The following SYNPO variants were observed in gnomAD, a reference collection of about 807,000 sequenced individuals.
SYNPO encodes synaptopodin.
A neutral mutation model predicts 49.5 loss-of-function variants in SYNPO; 19 were observed. The ratio of observed to expected loss-of-function variants is 0.38; its 90% CI spans 0.27 to 0.56. SYNPO has a LOEUF of 0.56. SYNPO is among the 20% of genes least tolerant of loss of function. SYNPO has a pLI of 0.68. For synonymous variants in SYNPO, 536 were observed against 548.0 expected, an observed-to-expected ratio of 0.98 and a Z score of 0.31; for missense variants, 1,131 against 1,248.3, an observed-to-expected ratio of 0.91 and a Z score of 1.42.
chr5:150,640,283 G>A (rs1757853302), upstream of SYNPO: 1 of 611,890 alleles, frequency 1.6e-6, no homozygotes, highest in African/African-American at 2.0e-5. Flanking sequence ...ATTAGGGCAT[G>A]TAGAAAGGAT....
chr5:150,656,305 C>T (rs1758547616), intron 2 of SYNPO, 99 bp from the exon 3 acceptor site: 1 of 1,012,452 alleles, frequency 9.9e-7, no homozygotes, highest in Non-Finnish European at 1.4e-6. Flanking sequence ...GGCTTCCCTT[C>T]TCGGTGTAAT....
rs1171177215 is a variant in SYNPO, at chr5:150,649,616, G to C, written c.1341G>C (p.Glu447Asp). The change falls in exon 2 of 3, where the codon GAG (glutamate) becomes GAC (aspartate). Residue 447 changes from glutamate (E) to aspartate (D), a missense_variant. Around this residue, in one of 4 missense-constraint regions of SYNPO, gnomAD observed 602 missense variants for 720.7 expected, o/e 0.84. Coordinates refer to ENST00000307662, the MANE Select transcript of SYNPO (RefSeq NM_007286.6). ...RDRASPAAAE[E>D]VVPEWASCLK... is the part of the protein sequence containing the mutation. ...GGGCCAGCCCCGCGGCGGCGGAGGA[G>C]GTGGTACCAGAGTGGGCCTCCTGCC... 1.2e-6 allele frequency: 2 copies of C among 1,609,154 alleles called. No individual in the cohort carries two copies. Among genetic ancestry groups the C allele is most frequent in the African/African-American group, 1.3e-5 (1 of 75,022 alleles).
At chr5:150,627,345 G>C (rs1271705779) in intron 2 of SYNPO, among the ~76,000 whole-genome samples, 1 of 152,200 alleles carries the variant, frequency 6.6e-6, no homozygotes, top group Non-Finnish European at 1.5e-5. Context: ...GATGGGCCAA[G>C]TGCCCTGGGC....
At chr5:150,625,255 C>CCAGA (rs970283772) in intron 2 of SYNPO, among the ~76,000 whole-genome samples, 2 of 152,218 alleles carry the variant, frequency 1.3e-5, no homozygotes, top group African/African-American at 2.4e-5. Context: ...GGGCAACAGC[C>CCAGA]CAGAGTCTGT....
At chr5:150,591,574 T>C in the SYNPO span, among the ~76,000 whole-genome samples, 1 of 152,032 alleles carries the variant, frequency 6.6e-6, no homozygotes, top group Non-Finnish European at 1.5e-5. Context: ...CACAACTGCA[T>C]TGAACCTGTG....
chr5:150,626,512 C>T (rs970273347), intron 2 of SYNPO, among the ~76,000 whole-genome samples: 3 of 152,192 alleles, frequency 2.0e-5, no homozygotes, highest in Non-Finnish European at 2.9e-5. Context: ...AGCCATGGGC[C>T]GGCTCCCCTC....
chr5:150,643,281 C>T (rs540501705), intron 1 of SYNPO, among the ~76,000 whole-genome samples: 6 of 152,226 alleles, frequency 3.9e-5, no homozygotes, highest in East Asian at 3.9e-4. Context: ...CTCTCTGAGC[C>T]GTAGATTTCT....
At position 150,648,958 on chromosome 5, in the gene SYNPO, C is replaced by T; in HGVS notation, c.683C>T (p.Thr228Ile). The change falls in exon 2 of 3, where the codon ACA (threonine) becomes ATA (isoleucine). Residue 228 changes from threonine (T) to isoleucine (I), a missense_variant. By Grantham distance (89) the Thr-to-Ile change is moderately conservative. Around this residue, in one of 4 missense-constraint regions of SYNPO, gnomAD observed 602 missense variants for 720.7 expected, o/e 0.84. Coordinates refer to ENST00000307662, the MANE Select transcript of SYNPO (RefSeq NM_007286.6). This position sits in a 1 kb window ranked among gnomAD's most constrained non-coding sequence, Gnocchi z 5.0. ...PTKVYSEVHF[T>I]LAKPPSVVNR... ...AAGGTCTACAGTGAGGTCCACTTCACACTGGCCAAGCCCCCATCAGTGGTC... is the reference window on the plus strand; with the variant it reads ...AAGGTCTACAGTGAGGTCCACTTCATACTGGCCAAGCCCCCATCAGTGGTC... 1 of 1,614,266 alleles carries T rather than the reference C, an allele frequency of 6.2e-7. No individual in the cohort carries two copies. The highest frequency in any genetic ancestry group is 8.5e-7 in the Non-Finnish European group (1 of 1,180,046).
intron 1 of SYNPO, among the ~76,000 whole-genome samples, chr5:150,605,163 T>A (rs540869726): frequency 6.6e-6 from 1 of 152,260 alleles, no homozygotes; most frequent in African/African-American, 2.4e-5. Context: ...CCTCTGATAG[T>A]CCCTGCAGTT....
At chr5:150,613,896 CCTT>C (rs900485345) in intron 1 of SYNPO, among the ~76,000 whole-genome samples, 20 of 152,194 alleles carry the variant, frequency 1.3e-4, no homozygotes, top group Non-Finnish European at 2.5e-4. Flanking sequence ...ACTCCCTTTC[CCTT>C]CTTCTACAGC....
In SYNPO at chr5:150,648,801, C is replaced by T; in HGVS notation, c.526C>T (p.Leu176Phe). Reference protein sequence around the residue: ...TTSTFSREATLIPSSRPPASD... With the variant: ...TTSTFSREATFIPSSRPPASD... ...CAGCACCTTCTCCAGAGAAGCTACG[C>T]TCATCCCCAGCTCCAGGCCCCCAGC... The change falls in exon 2 of 3, where the codon CTC becomes TTC. Residue 176 changes from leucine to phenylalanine, a missense_variant. Leu to Phe is a conservative substitution (Grantham distance 22). This residue lies in a region of SYNPO where 602 missense variants were observed against 720.7 expected (regional missense o/e 0.84). Coordinates refer to ENST00000307662, the MANE Select transcript of SYNPO (RefSeq NM_007286.6). This position sits in a 1 kb window ranked among gnomAD's most constrained non-coding sequence, Gnocchi z 5.0. The T allele has an allele frequency of 6.2e-7, 1 of 1,614,254 alleles. No individual in the cohort carries two copies. The highest frequency in any genetic ancestry group is 8.5e-7 in the Non-Finnish European group (1 of 1,180,036).
intron 2 of SYNPO, chr5:150,625,043 G>C (rs1757308021): frequency 3.3e-6 from 3 of 911,008 alleles, no homozygotes; most frequent in Non-Finnish European, 3.9e-6. Context: ...GGGTGACCTT[G>C]GCCAAGTCGC....
intron 1 of SYNPO, among the ~76,000 whole-genome samples, chr5:150,607,053 T>C (rs780809036): frequency 6.6e-6 from 1 of 152,062 alleles, no homozygotes; most frequent in African/African-American, 2.4e-5. Context: ...GAGGGGGTTA[T>C]TATCTTTTGA....
At chr5:150,614,427 G>T (rs1756930294) in intron 1 of SYNPO, 1 of 152,368 alleles carries the variant, frequency 6.6e-6, no homozygotes, top group African/African-American at 2.4e-5. Context: ...TGGTCCTGGG[G>T]GCCCCTGCTT....
chr5:150,654,700 G>A (rs921075084), intron 2 of SYNPO, among the ~76,000 whole-genome samples: 4 of 152,152 alleles, frequency 2.6e-5, no homozygotes, highest in Admixed American at 6.5e-5. Context: ...GGAATGGCCC[G>A]ACTTCCTTTT....
intron 1 of SYNPO, among the ~76,000 whole-genome samples, chr5:150,611,617 G>A (rs1299253021): frequency 6.6e-6 from 1 of 152,238 alleles, no homozygotes; most frequent in Non-Finnish European, 1.5e-5. Flanking sequence ...CAGAAATGGA[G>A]GGAGGACTAG....
upstream of SYNPO, among the ~76,000 whole-genome samples, chr5:150,600,798 G>T (rs1036371760): frequency 4.6e-5 from 7 of 152,230 alleles, no homozygotes; most frequent in Non-Finnish European, 7.4e-5. Flanking sequence ...AGTGTCCTGT[G>T]TCGCTGGGGG....
intron 2 of SYNPO, among the ~76,000 whole-genome samples, chr5:150,635,245 G>A (rs897224255): frequency 6.6e-6 from 1 of 152,248 alleles, no homozygotes; most frequent in South Asian, 2.1e-4. Context: ...GGGTGTGCAT[G>A]CGTGCCTGGG....
Position 150,658,599 on chromosome 5 carries a change from G to C in SYNPO, c.*1512G>C, listed in dbSNP as rs1758653775. Reference sequence around the variant, plus strand: ...CTAGAGGTTCAGAATATTAGCTTCAGGATCAGCTGGGGGTATGGAATTGGC... The same window carrying C: ...CTAGAGGTTCAGAATATTAGCTTCACGATCAGCTGGGGGTATGGAATTGGC... On this transcript the variant is annotated 3_prime_UTR_variant, in exon 3 of 3. Transcript: ENST00000307662. 1 of 152,484 alleles carries C rather than the reference G, an allele frequency of 6.6e-6. No individual in the cohort carries two copies. Among genetic ancestry groups the C allele is most frequent in the African/African-American group, 2.4e-5 (1 of 41,428 alleles). 9.4% of individuals were successfully genotyped at this position (152,484 alleles called of 1,614,324 possible).
Sources: gnomAD v4.1 joint callset for allele counts (sites outside exome capture counted in the v4.1 genomes callset) on GRCh38, gnomAD v4.1.1 for gene constraint, gnomAD v4.1.1 regional missense constraint, Gnocchi (gnomAD v3.1) non-coding constraint, MANE v1.5 for transcripts, NCBI Gene and HGNC (gene_info 2026-07-23, HGNC 2026-07-21) for gene names.